Variants in MCOLN2 observed in about 807,000 individuals in gnomAD.
The protein encoded by MCOLN2 is mucolipin-2.
Under a neutral mutation model 67.5 loss-of-function variants are expected in MCOLN2, and 57 were observed. That is an observed-to-expected ratio of 0.84 (90% CI 0.68 to 1.05). The LOEUF (loss-of-function observed/expected upper bound fraction) is 1.05, where lower values mean the gene tolerates loss of function less well. Among genes scored for constraint, MCOLN2 ranks in the 50% least tolerant of loss-of-function variants. The pLI is 0.00. For synonymous variants in MCOLN2, 246 were observed against 233.3 expected (o/e 1.05, Z -0.50); for missense variants, 620 against 678.8 (o/e 0.91, Z 0.96).
intron 1 of MCOLN2, 74 bp downstream of exon 1, chr1:84,996,722 C>A: frequency 2.2e-6 from 3 of 1,376,000 alleles, no homozygotes; most frequent in South Asian, 1.2e-5. Flanking sequence ...CTCTAGTCTA[C>A]GAAAGTAAAG....
intron 6 of MCOLN2, among the ~76,000 whole-genome samples, chr1:84,948,945 C>T (rs1648267737): frequency 6.6e-6 from 1 of 152,188 alleles, no homozygotes; most frequent in Admixed American, 6.5e-5. Context: ...GCCTGGCCAA[C>T]ATGGTGAAAC....
chr1:84,926,662 C>T lies in MCOLN2; in HGVS notation c.*23G>A. On this transcript the variant is annotated 3_prime_UTR_variant, in exon 14 of 14. Coordinates refer to ENST00000370608, the MANE Select transcript of MCOLN2 (RefSeq NM_153259.4). ...CAGCCGCTGGATAAGGATGCCTGAA[C>T]TTTAATCATCTTTAGCAGAACTTTA... The T allele has an allele frequency of 2.6e-6, 4 of 1,565,440 alleles. No homozygotes were observed. Among genetic ancestry groups the T allele is most frequent in the South Asian group, 1.2e-5 (1 of 84,206 alleles).
intron 1 of MCOLN2, among the ~76,000 whole-genome samples, chr1:84,966,317 T>C (rs112832062): frequency 3.0e-4 from 45 of 151,990 alleles, no homozygotes; most frequent in African/African-American, 1.1e-3. Flanking sequence ...ATTATAAAAA[T>C]TGGATTTTAC....
At chr1:84,986,172 A>G (rs1378617792) in intron 1 of MCOLN2, among the ~76,000 whole-genome samples, 2 of 152,200 alleles carry the variant, frequency 1.3e-5, no homozygotes, top group Non-Finnish European at 2.9e-5. Context: ...CGACAAAGCA[A>G]ACAAAACCAT....
chr1:84,987,705 T>G (rs77419792), intron 1 of MCOLN2, among the ~76,000 whole-genome samples: 1 of 138,402 alleles, frequency 7.2e-6, no homozygotes, highest in Admixed American at 7.5e-5. Flanking sequence ...TGTATATAGA[T>G]TATATATACA....
At chr1:84,943,440 G>A (rs1647906781) in intron 7 of MCOLN2, among the ~76,000 whole-genome samples, 1 of 152,102 alleles carries the variant, frequency 6.6e-6, no homozygotes, top group African/African-American at 2.4e-5. Flanking sequence ...AATTAGAAAA[G>A]GAGATGAGCT....
rs192337310 is a variant in MCOLN2, at chr1:84,959,491, C to G, written c.238-789G>C. 2.1e-3 allele frequency among the ~76,000 whole-genome samples: 323 copies of G among 152,222 alleles called. 1 individual carries two copies. The highest frequency in any genetic ancestry group is 4.0e-3 in the Non-Finnish European group (275 of 67,998). On this transcript the variant is annotated intron_variant, in intron 2 of 13. Transcript: ENST00000370608. ...ATAAATGGAGGAAATTAGTCAGCAC[C>G]AAAAGTTTACACAAAACCTAGGAAA...
At chr1:84,968,703 T>C (rs1409030700) in intron 1 of MCOLN2, among the ~76,000 whole-genome samples, 1 of 152,196 alleles carries the variant, frequency 6.6e-6, no homozygotes, top group African/African-American at 2.4e-5. Context: ...CTCTCTGACC[T>C]TCTCCTGATC....
chr1:84,933,716 C>T (rs1428741543), intron 11 of MCOLN2, among the ~76,000 whole-genome samples: 2 of 152,194 alleles, frequency 1.3e-5, no homozygotes, highest in African/African-American at 2.4e-5. Context: ...TAACTCCAAG[C>T]ACAACTGTCT....
intron 1 of MCOLN2, among the ~76,000 whole-genome samples, chr1:84,982,074 G>T (rs1443369446): frequency 2.5e-5 from 3 of 118,014 alleles, no homozygotes; most frequent in African/African-American, 6.2e-5. Flanking sequence ...TTAGCCATGG[G>T]TTTTTTTTTT....
At chr1:84,978,607 G>C (rs943395032) in intron 1 of MCOLN2, among the ~76,000 whole-genome samples, 33 of 152,160 alleles carry the variant, frequency 2.2e-4, no homozygotes, top group African/African-American at 7.9e-4. Flanking sequence ...GGAAAATATA[G>C]AAGAAATGGA....
chr1:84,966,289 A>G (rs935337248), intron 1 of MCOLN2, among the ~76,000 whole-genome samples: 1 of 152,096 alleles, frequency 6.6e-6, no homozygotes, highest in African/African-American at 2.4e-5. Flanking sequence ...AAAAAAAACA[A>G]AATGGTCAAT....
chr1:84,961,522 C>A (rs964639221), intron 2 of MCOLN2, among the ~76,000 whole-genome samples: 43 of 152,102 alleles, frequency 2.8e-4, no homozygotes, highest in African/African-American at 1.0e-3. Context: ...TTCCTCCATT[C>A]TATTCATAGA....
intron 1 of MCOLN2, among the ~76,000 whole-genome samples, chr1:84,986,543 CA>C (rs570093444): frequency 0.014 from 699 of 49,414 alleles, 3 homozygotes; most frequent in African/African-American, 0.042. Flanking sequence ...AACTCCATCT[CA>C]AAAAAAAAAA....
chr1:84,936,136 AT>A (rs1276085752), intron 11 of MCOLN2, among the ~76,000 whole-genome samples: 18 of 152,152 alleles, frequency 1.2e-4, no homozygotes, highest in Non-Finnish European at 2.4e-4. Flanking sequence ...GGACAATCAG[AT>A]TTCTTCACAG....
intron 1 of MCOLN2, among the ~76,000 whole-genome samples, chr1:84,990,497 T>C (rs1012995644): frequency 2.6e-5 from 4 of 151,978 alleles, no homozygotes; most frequent in Non-Finnish European, 5.9e-5. Context: ...TTTAAAATAA[T>C]GAGTTAGTTA....
chr1:84,937,221 A>G (rs540205356), intron 11 of MCOLN2, among the ~76,000 whole-genome samples: 71 of 152,320 alleles, frequency 4.7e-4, no homozygotes, highest in African/African-American at 1.6e-3. Flanking sequence ...AAGTTTGGTA[A>G]TAGTTTAGAA....
intron 1 of MCOLN2, among the ~76,000 whole-genome samples, chr1:84,982,639 C>T (rs1650314415): frequency 6.6e-6 from 1 of 152,174 alleles, no homozygotes; most frequent in South Asian, 2.1e-4. Context: ...CCAACCACCC[C>T]TTAGCTGTGG....
intron 1 of MCOLN2, among the ~76,000 whole-genome samples, chr1:84,987,365 T>C (rs137949133): frequency 7.0e-6 from 1 of 142,442 alleles, no homozygotes; most frequent in African/African-American, 2.6e-5. Context: ...TAGATATATA[T>C]CCATATATTT....
Sources: allele counts gnomAD v4.1 joint callset (sites outside exome capture counted in the v4.1 genomes callset), GRCh38; gene constraint gnomAD v4.1.1; transcripts MANE v1.5; gene names NCBI Gene and HGNC (gene_info 2026-07-23, HGNC 2026-07-21).